Variants in CDIN1 observed in about 807,000 individuals in gnomAD.
CDIN1 encodes the protein CDAN1 interacting nuclease 1.
CDIN1 carries 33 observed loss-of-function variants against 45.3 expected under a neutral mutation model. The ratio of observed to expected loss-of-function variants is 0.73; its 90% CI spans 0.55 to 0.97. The LOEUF is 0.97. Ranked by LOEUF, CDIN1 falls within the 50% of genes least tolerant of loss-of-function variation. The pLI, the probability that CDIN1 is intolerant of heterozygous loss-of-function variation, is 0.00. For missense variants in CDIN1, 303 were observed against 339.4 expected, an observed-to-expected ratio of 0.89 and a Z score of 0.84; for synonymous variants, 118 against 124.4, an observed-to-expected ratio of 0.95 and a Z score of 0.34.
At chr15:36,692,097 C>T (rs772691942) in intron 6 of CDIN1, 29 bp from the exon 7 acceptor site, 13 of 1,611,688 alleles carry the variant, frequency 8.1e-6, no homozygotes, top group South Asian at 7.7e-5. Flanking sequence ...GCCGCCCCAC[C>T]CCAGACCCCT....
chr15:36,691,261 T>C (rs1179687850), intron 5 of CDIN1: 5 of 504,978 alleles, frequency 9.9e-6, no homozygotes, highest in African/African-American at 1.9e-5. Flanking sequence ...AAGAGTTTAG[T>C]GAAGACAGGT....
At chr15:36,805,391 C>T (rs1483830063) in intron 10 of CDIN1, among the ~76,000 whole-genome samples, 2 of 152,178 alleles carry the variant, frequency 1.3e-5, no homozygotes, top group African/African-American at 4.8e-5. Flanking sequence ...GACCCAAGGA[C>T]TCTCTTTTCT....
intron 8 of CDIN1, among the ~76,000 whole-genome samples, chr15:36,697,883 A>G (rs1013239535): frequency 3.3e-5 from 5 of 152,146 alleles, no homozygotes; most frequent in Non-Finnish European, 5.9e-5. Context: ...AAAATCCCAC[A>G]TGTATTCATG....
At chr15:36,722,692 G>C (rs1420779688) in intron 10 of CDIN1, among the ~76,000 whole-genome samples, 1 of 152,154 alleles carries the variant, frequency 6.6e-6, no homozygotes, top group Non-Finnish European at 1.5e-5. Flanking sequence ...AATGGATAAT[G>C]TATAAGTGAT....
At chr15:36,774,387 G>A (rs958897702) in intron 10 of CDIN1, among the ~76,000 whole-genome samples, 12 of 151,760 alleles carry the variant, frequency 7.9e-5, no homozygotes, top group African/African-American at 2.4e-4. Flanking sequence ...TCTGTACCAT[G>A]TGTTTTTCCT....
intron 1 of CDIN1, among the ~76,000 whole-genome samples, chr15:36,609,014 T>TAGAC (rs1347302972): frequency 1.3e-5 from 2 of 152,000 alleles, no homozygotes; most frequent in African/African-American, 2.4e-5. Flanking sequence ...GATAGATAGA[T>TAGAC]AGATAATTTT....
rs187152662 is a variant in CDIN1 at position 36,650,672 on chromosome 15, G to A, written c.213-3426G>A. ...TGTGCAGGGAGGTCTCAAACTCCTG[G>A]CCTCAAATGATCCACCCGCCTTGGC... On this transcript the variant is annotated intron_variant, in intron 3 of 10. Coordinates refer to ENST00000566621, the MANE Select transcript of CDIN1 (RefSeq NM_001321759.2). 2.6e-4 allele frequency among the ~76,000 whole-genome samples: 39 copies of A among 152,008 alleles called. No individual in the cohort carries two copies. In the East Asian group the frequency reaches 6.6e-3, roughly 26 times the overall value.
At chr15:36,729,604 G>T (rs147394642) in intron 10 of CDIN1, among the ~76,000 whole-genome samples, 1 of 152,262 alleles carries the variant, frequency 6.6e-6, no homozygotes, top group African/African-American at 2.4e-5. Flanking sequence ...AATTGTCAAA[G>T]TGTAACTGCC....
At chr15:36,759,250 G>A (rs1478853091) in intron 10 of CDIN1, among the ~76,000 whole-genome samples, 1 of 152,104 alleles carries the variant, frequency 6.6e-6, no homozygotes, top group African/African-American at 2.4e-5. Context: ...GCTCCCAAGT[G>A]AACAAAGGAG....
chr15:36,692,048 A>T, intron 6 of CDIN1, 78 bp from the exon 7 acceptor site: 1 of 1,395,376 alleles, frequency 7.2e-7, no homozygotes, highest in Non-Finnish European at 9.9e-7. Context: ...AAAAGTAATT[A>T]CTGCTTTTAG....
At chr15:36,609,926 C>T (rs998816692) in intron 1 of CDIN1, among the ~76,000 whole-genome samples, 3 of 152,186 alleles carry the variant, frequency 2.0e-5, no homozygotes, top group Non-Finnish European at 4.4e-5. Context: ...GAAAAGGAAA[C>T]TTTCTACAGT....
At chr15:36,674,056 T>C (rs1464987896) in intron 5 of CDIN1, among the ~76,000 whole-genome samples, 7 of 152,162 alleles carry the variant, frequency 4.6e-5, no homozygotes, top group Non-Finnish European at 8.8e-5. Flanking sequence ...TATATTTCTC[T>C]TAACCTTACC....
chr15:36,658,910 A>T (rs1393722288), intron 5 of CDIN1, among the ~76,000 whole-genome samples: 2 of 152,194 alleles, frequency 1.3e-5, no homozygotes, highest in Non-Finnish European at 2.9e-5. Context: ...CTTCCCCTAA[A>T]AATTCAATAT....
intron 10 of CDIN1, among the ~76,000 whole-genome samples, chr15:36,782,339 C>T (rs1490204190): frequency 6.6e-6 from 1 of 152,054 alleles, no homozygotes; most frequent in African/African-American, 2.4e-5. Context: ...GTGATGATGC[C>T]ACAGCCATTC....
intron 10 of CDIN1, among the ~76,000 whole-genome samples, chr15:36,774,173 C>T (rs1387080345): frequency 7.2e-6 from 1 of 137,950 alleles, no homozygotes; most frequent in Non-Finnish European, 1.5e-5. Flanking sequence ...TGCGCGCGCG[C>T]GCATGCATGA....
At chr15:36,588,471 A>AGG (rs1389712162) in intron 1 of CDIN1, among the ~76,000 whole-genome samples, 2 of 152,200 alleles carry the variant, frequency 1.3e-5, no homozygotes. Context: ...AGAAAGAGAG[A>AGG]GAAAGGCTTT....
intron 10 of CDIN1, among the ~76,000 whole-genome samples, chr15:36,800,082 C>T (rs1053626007): frequency 8.5e-5 from 13 of 152,068 alleles, no homozygotes; most frequent in Non-Finnish European, 1.8e-4. Flanking sequence ...TATTTATATA[C>T]ATTTAAATTT....
chr15:36,690,805 G>A (rs76365875), intron 5 of CDIN1, among the ~76,000 whole-genome samples: 21 of 152,092 alleles, frequency 1.4e-4, no homozygotes, highest in Non-Finnish European at 2.4e-4. Flanking sequence ...TAGGCAACAC[G>A]TGACTTAGCT....
At chr15:36,701,451 G>A (rs1160806372) in intron 8 of CDIN1, among the ~76,000 whole-genome samples, 2 of 152,042 alleles carry the variant, frequency 1.3e-5, no homozygotes, top group African/African-American at 4.8e-5. Context: ...AGACAGGAAA[G>A]GAAAAGAAAA....
Sources: allele counts gnomAD v4.1 joint callset (sites outside exome capture counted in the v4.1 genomes callset), GRCh38; gene constraint gnomAD v4.1.1; transcripts MANE v1.5; gene names NCBI Gene and HGNC (gene_info 2026-07-23, HGNC 2026-07-21).